HSD17B12: variants seen among roughly 807,000 people sequenced by gnomAD.
The protein encoded by HSD17B12 is hydroxysteroid 17-beta dehydrogenase 12.
Under a neutral mutation model 39.3 loss-of-function variants are expected in HSD17B12, and 32 were observed. The ratio of observed to expected loss-of-function variants is 0.81; its 90% confidence interval spans 0.61 to 1.09. The LOEUF is 1.09. Ranked by LOEUF, HSD17B12 falls within the 50% of genes least tolerant of loss-of-function variation. The probability of loss-of-function intolerance (pLI) is 0.00; values close to 1 mark genes in which losing one functional copy is unlikely to be tolerated. For synonymous variants in HSD17B12, 150 were observed against 146.7 expected (o/e 1.02, Z -0.16); for missense variants, 342 against 382.9 (o/e 0.89, Z 0.89).
chr11:43,834,700 G>A (rs1300346321), intron 7 of HSD17B12, among the ~76,000 whole-genome samples: 3 of 152,030 alleles, frequency 2.0e-5, no homozygotes, highest in Non-Finnish European at 4.4e-5. Context: ...GTCTTATTGG[G>A]AATTTCACAG....
chr11:43,815,430 A>G lies in HSD17B12; in HGVS notation c.392-7A>G, dbSNP rs1392514006. 3 of 1,547,412 alleles carry G rather than the reference A, an allele frequency of 1.9e-6. No individual in the cohort carries two copies. The African/African-American group carries it at 4.0e-5, about 21-fold the overall frequency. On this transcript the variant is annotated splice_polypyrimidine_tract_variant and splice_region_variant and intron_variant, in intron 4 of 10. Transcript: ENST00000278353. ...GTTACTCAGCTAATCATCTTGTTCT[A>G]TTTCAGTGAACAACGTGGGAATGTC...
the HSD17B12 span, chr11:43,645,042 GTTTA>G: frequency 6.6e-6 from 1 of 151,502 alleles, no homozygotes; most frequent in Non-Finnish European, 1.5e-5. Flanking sequence ...AGTTGTTTGA[GTTTA>G]TTTATGGAAA....
intron 9 of HSD17B12, among the ~76,000 whole-genome samples, chr11:43,849,728 C>T (rs1304349395): frequency 2.0e-5 from 3 of 152,172 alleles, no homozygotes; most frequent in African/African-American, 4.8e-5. Context: ...CAATACTGTA[C>T]ACCTTTGTTT....
the HSD17B12 span, among the ~76,000 whole-genome samples, chr11:43,631,562 T>C: frequency 6.6e-6 from 1 of 151,894 alleles, no homozygotes; most frequent in East Asian, 1.9e-4. Flanking sequence ...TGTGTCTCTC[T>C]CTCTCTGCCT....
chr11:43,629,383 T>C, the HSD17B12 span, among the ~76,000 whole-genome samples: 3 of 152,178 alleles, frequency 2.0e-5, no homozygotes, highest in Non-Finnish European at 4.4e-5. Context: ...GTGAGTCTGG[T>C]TCATTATCTC....
At chr11:43,778,941 T>C (rs1175206774) in intron 3 of HSD17B12, among the ~76,000 whole-genome samples, 2 of 152,234 alleles carry the variant, frequency 1.3e-5, no homozygotes, top group Non-Finnish European at 2.9e-5. Context: ...AGGAATAAAA[T>C]GTTAAACACT....
the HSD17B12 span, among the ~76,000 whole-genome samples, chr11:43,575,205 C>T: frequency 6.6e-6 from 1 of 152,230 alleles, no homozygotes. The surrounding 1 kb of genome is among the most constrained non-coding windows in gnomAD (Gnocchi z 4.1). Context: ...GATCATTGCT[C>T]TCTGGGAAGC....
At chr11:43,668,034 C>T in the HSD17B12 span, among the ~76,000 whole-genome samples, 393 of 152,180 alleles carry the variant, frequency 2.6e-3, 2 homozygotes, top group African/African-American at 8.5e-3. Flanking sequence ...AGGTAGGAGG[C>T]TAGGGACCAG....
At chr11:43,587,258 A>T in the HSD17B12 span, among the ~76,000 whole-genome samples, 1 of 152,140 alleles carries the variant, frequency 6.6e-6, no homozygotes. Context: ...AGATATAAAT[A>T]AATTATTCTT....
intron 5 of HSD17B12, 147 bp from the exon 6 acceptor site, chr11:43,816,200 C>T (rs1719035233): frequency 1.9e-6 from 1 of 527,866 alleles, no homozygotes; most frequent in Non-Finnish European, 3.1e-6. Flanking sequence ...ATGAAATCTG[C>T]CTCTCTACCC....
At chr11:43,756,454 A>G (rs1950508598) in intron 3 of HSD17B12, among the ~76,000 whole-genome samples, 1 of 152,152 alleles carries the variant, frequency 6.6e-6, no homozygotes, top group Non-Finnish European at 1.5e-5. Context: ...CTGAGATAGT[A>G]GGTGAATTTA....
chr11:43,752,037 G>A (rs1043037232), intron 2 of HSD17B12, among the ~76,000 whole-genome samples: 1 of 152,060 alleles, frequency 6.6e-6, no homozygotes, highest in Non-Finnish European at 1.5e-5. Context: ...ATTGCATTTG[G>A]TGTCATGTCT....
intron 6 of HSD17B12, among the ~76,000 whole-genome samples, chr11:43,827,839 C>G (rs149643528): frequency 6.6e-6 from 1 of 152,258 alleles, no homozygotes; most frequent in Non-Finnish European, 1.5e-5. Flanking sequence ...ATATTTTACT[C>G]TTGACATTGA....
At chr11:43,818,897 G>A (rs1026188150) in intron 6 of HSD17B12, among the ~76,000 whole-genome samples, 1 of 151,994 alleles carries the variant, frequency 6.6e-6, no homozygotes, top group African/African-American at 2.4e-5. Flanking sequence ...AGCAAGCAAA[G>A]GTTTTTGATC....
At chr11:43,595,202 C>G in the HSD17B12 span, among the ~76,000 whole-genome samples, 2 of 152,226 alleles carry the variant, frequency 1.3e-5, no homozygotes, top group African/African-American at 4.8e-5. Flanking sequence ...GTAGGCTCCG[C>G]CGACCTCAAG....
At chr11:43,614,051 A>G in the HSD17B12 span, among the ~76,000 whole-genome samples, 1 of 152,172 alleles carries the variant, frequency 6.6e-6, no homozygotes, top group Non-Finnish European at 1.5e-5. Flanking sequence ...ACTTCTGCAT[A>G]TATTATGAGC....
At chr11:43,727,504 G>A (rs575482834) in intron 1 of HSD17B12, among the ~76,000 whole-genome samples, 5 of 143,252 alleles carry the variant, frequency 3.5e-5, no homozygotes, top group East Asian at 2.0e-4. Flanking sequence ...TTTTTTTTTC[G>A]ATAGGGAGTC....
At chr11:43,754,425 A>T (rs1027842615) in intron 3 of HSD17B12, among the ~76,000 whole-genome samples, 1 of 152,022 alleles carries the variant, frequency 6.6e-6, no homozygotes, top group African/African-American at 2.4e-5. Flanking sequence ...ATTAAAAAAA[A>T]ATTAGCCGGG....
rs116375565 is a variant in HSD17B12 at position 43,764,070 on chromosome 11, C to T, written c.283+9949C>T. Reference sequence around the variant, plus strand: ...ATTATATTTCATACTGTGATAATATCAGAAGATATATAGCTATTTTTAAAA... The same window carrying T: ...ATTATATTTCATACTGTGATAATATTAGAAGATATATAGCTATTTTTAAAA... On this transcript the variant is annotated intron_variant, in intron 3 of 10. Coordinates refer to ENST00000278353, the MANE Select transcript of HSD17B12 (RefSeq NM_016142.3). Among the ~76,000 whole-genome samples, 1,001 of 152,154 alleles carry T rather than the reference C, an allele frequency of 6.6e-3. 18 individuals are homozygous for T. The highest frequency in any genetic ancestry group is 0.023 in the African/African-American group (939 of 41,530).
Sources: allele counts gnomAD v4.1 joint callset (sites outside exome capture counted in the v4.1 genomes callset), GRCh38; gene constraint gnomAD v4.1.1; non-coding constraint Gnocchi (gnomAD v3.1); transcripts MANE v1.5; gene names NCBI Gene and HGNC (gene_info 2026-07-23, HGNC 2026-07-21).